The following TRIM28 variants were observed in gnomAD, a reference collection of about 807,000 sequenced individuals.
TRIM28 encodes the protein tripartite motif containing 28.
TRIM28 carries 8 observed loss-of-function variants against 87.4 expected under a neutral mutation model. The ratio of observed to expected loss-of-function variants is 0.09; its 90% CI spans 0.05 to 0.17. The LOEUF (loss-of-function observed/expected upper bound fraction) is 0.17. Ranked by LOEUF, TRIM28 falls within the 10% of genes least tolerant of loss-of-function variation. The pLI is 1.00. For synonymous variants in TRIM28, 601 were observed against 454.3 expected (o/e 1.32, Z -4.11); for missense variants, 968 against 1,131.8 (o/e 0.86, Z 2.08).
At chr19:58,548,933 G>A in intron 11 of TRIM28, 23 bp downstream of exon 11, 1 of 1,614,066 alleles carries the variant, frequency 6.2e-7, no homozygotes, top group Non-Finnish European at 8.5e-7. Context: ...CCTCCCCTGG[G>A]GGTGAGGTGG....
intron 9 of TRIM28, 46 bp from the exon 10 acceptor site, chr19:58,548,694 T>C: frequency 5.6e-6 from 9 of 1,611,552 alleles, no homozygotes; most frequent in Non-Finnish European, 6.8e-6. Flanking sequence ...TGGGGTCCAG[T>C]AGGGTTCCTG....
At chr19:58,550,347 A>G (rs777393223) in intron 16 of TRIM28, 30 bp from the exon 17 acceptor site, 31 of 1,612,756 alleles carry the variant, frequency 1.9e-5, no homozygotes, top group Non-Finnish European at 2.5e-5. Context: ...ACTAGGACCC[A>G]TTCATCCACT....
chr19:58,548,465 G>A (rs781534407), intron 8 of TRIM28, 21 bp from the exon 9 acceptor site: 7 of 1,614,014 alleles, frequency 4.3e-6, no homozygotes, highest in Middle Eastern at 1.6e-4. Context: ...ACCTACTTAC[G>A]TTTCTCTCTT....
At chr19:58,547,955 G>A in intron 6 of TRIM28, 49 bp downstream of exon 6, 1 of 1,613,612 alleles carries the variant, frequency 6.2e-7, no homozygotes, top group South Asian at 1.1e-5. Context: ...TCTGCTGATT[G>A]ATGATGCTGT....
Position 58,550,672 on chromosome 19 carries a change from A to G in TRIM28, c.*119A>G. On this transcript the variant is annotated 3_prime_UTR_variant, in exon 17 of 17. Transcript: ENST00000253024. ...TGGCCCCATCCCCCAGTTCCTCACGATATGGTTTTTACTTCTGTGGATTTA... is the reference window on the plus strand; with the variant it reads ...TGGCCCCATCCCCCAGTTCCTCACGGTATGGTTTTTACTTCTGTGGATTTA... The G allele has an allele frequency of 9.6e-7, 1 of 1,040,096 alleles. No individual in the cohort carries two copies. The highest frequency in any genetic ancestry group is 1.4e-6 in the Non-Finnish European group (1 of 734,474). The allele number at this position is 1,040,096 out of a possible 1,614,324, so 64.4% of individuals were successfully genotyped here.
intron 3 of TRIM28, among the ~76,000 whole-genome samples, chr19:58,546,274 C>T (rs1010421386): frequency 1.3e-5 from 2 of 152,108 alleles, no homozygotes; most frequent in Admixed American, 6.5e-5. Flanking sequence ...GTATAAGATG[C>T]TGCTAGGGAA....
In TRIM28 at chr19:58,548,426, C is replaced by T; in HGVS notation, c.1216+18C>T. 1.9e-6 allele frequency: 3 copies of T among 1,614,054 alleles called. No homozygotes were observed. Among genetic ancestry groups the T allele is most frequent in the South Asian group, 1.1e-5 (1 of 91,082 alleles). On this transcript the variant is annotated intron_variant, in intron 8 of 16. Transcript: ENST00000253024. Reference sequence around the variant, plus strand: ...GGCCTTTGGTGGGTCCCCAGCTTTACCTCACTCTGTTATTACCCCACGTGC... The same window carrying T: ...GGCCTTTGGTGGGTCCCCAGCTTTATCTCACTCTGTTATTACCCCACGTGC...
chr19:58,546,406 A>G (rs2053761662), intron 3 of TRIM28, among the ~76,000 whole-genome samples: 1 of 152,206 alleles, frequency 6.6e-6, no homozygotes, highest in South Asian at 2.1e-4. Flanking sequence ...AGACACAGCT[A>G]GCTTTGGTTT....
rs1328902157 is a variant in TRIM28 at position 58,549,312 on chromosome 19, C to T, written c.1663-19C>T. 9 of 1,571,646 alleles carry T rather than the reference C, an allele frequency of 5.7e-6. No individual in the cohort carries two copies. The highest frequency in any genetic ancestry group is 1.2e-5 in the South Asian group (1 of 84,978). On this transcript the variant is annotated intron_variant, in intron 12 of 16. Transcript: ENST00000253024. The surrounding 1 kb of genome is among the most constrained non-coding windows in gnomAD (Gnocchi z 4.4). ...CCAGGTCTGGACCCTGTTGAACACC[C>T]CTCATCACCACCTTGCAGGAGGAGG...
In TRIM28 at chr19:58,549,884, G is replaced by A. The variant is rs936791985; in HGVS notation, c.2106+24G>A. On this transcript the variant is annotated intron_variant, in intron 14 of 16. Coordinates refer to ENST00000253024, the MANE Select transcript of TRIM28 (RefSeq NM_005762.3). The surrounding 1 kb of genome is among the most constrained non-coding windows in gnomAD (Gnocchi z 4.4). ...GGGTGAGGGCTGGGGTTACTTAGGT[G>A]GGGTTGCCCAGAGAGGCTTTATAGG... 4.3e-6 allele frequency: 7 copies of A among 1,613,446 alleles called. No homozygotes were observed. The highest frequency in any genetic ancestry group is 5.1e-6 in the Non-Finnish European group (6 of 1,179,408).
rs369126190 is a variant in TRIM28, at chr19:58,549,615, G to C, written c.1947G>C (p.Leu649=). The C allele has an allele frequency of 6.2e-7, 1 of 1,613,684 alleles. No individual in the cohort carries two copies. The stretch of plus-strand genomic sequence containing the variant: ...ACCAGTGTGAGTTTTGTTTCCACCT[G>C]GACTGTCACCTGCCGGCCCTGCAGG... ...MCNQCEFCFH[L]DCHLPALQDV... is the part of the protein sequence containing the mutation. Residue 649 remains leucine (L), a synonymous_variant, in exon 13 of 17, where the codon CTG becomes CTC. Transcript: ENST00000253024. This position sits in a 1 kb window ranked among gnomAD's most constrained non-coding sequence, Gnocchi z 4.4.
rs142762100 is a variant in TRIM28 at position 58,549,189 on chromosome 19, G to A, written c.1611G>A (p.Ala537=). Residue 537 remains alanine, a synonymous_variant, in exon 12 of 17, where the codon GCG becomes GCA. Coordinates refer to ENST00000253024, the MANE Select transcript of TRIM28 (RefSeq NM_005762.3). This position sits in a 1 kb window ranked among gnomAD's most constrained non-coding sequence, Gnocchi z 4.4. ...CAGCTACCGGCCAGCCAGGGACTGC[G>A]CCTGCAGGAACCCCTGGTGCCCCAC... ...AAAATGQPGT[A]PAGTPGAPPL... 1,156 of 1,613,908 alleles carry A rather than the reference G, an allele frequency of 7.2e-4. 4 individuals carry two copies. The Middle Eastern group carries it at 0.013, about 18-fold the overall frequency.
Position 58,544,682 on chromosome 19 carries a change from G to T in TRIM28, c.-76G>T, listed in dbSNP as rs1224711927. On this transcript the variant is annotated 5_prime_UTR_variant, in exon 1 of 17. Transcript: ENST00000253024. ...GGCGGCGGCAGCGGCCCAGCAGTTG[G>T]CGGCGAGCGCGTCTGCGCCTGCGCG... 2 of 635,906 alleles carry T rather than the reference G, an allele frequency of 3.1e-6. No homozygotes were observed. The highest frequency in any genetic ancestry group is 1.4e-4 in the East Asian group (1 of 7,340). 39.4% of individuals were successfully genotyped at this position (635,906 alleles called of 1,614,324 possible).
chr19:58,548,824 T>C, intron 10 of TRIM28, 38 bp from the exon 11 acceptor site: 3 of 1,614,100 alleles, frequency 1.9e-6, no homozygotes, highest in South Asian at 1.1e-5. Context: ...GTGCTGTTTC[T>C]ACCCCAACCT....
rs764721470 is a variant in TRIM28 at position 58,548,516 on chromosome 19, A to G, written c.1247A>G (p.Asn416Ser). 2 of 1,613,822 alleles carry G rather than the reference A, an allele frequency of 1.2e-6. No individual in the cohort carries two copies. The highest frequency in any genetic ancestry group is 2.2e-5 in the South Asian group (2 of 91,076). Reference sequence around the variant, plus strand: ...ATTGTGGCAGAGCGTCCTGGCACTAACTCAACAGGCCCTGCACCCATGGCC... The same window carrying G: ...ATTGTGGCAGAGCGTCCTGGCACTAGCTCAACAGGCCCTGCACCCATGGCC... ...GKIVAERPGT[N>S]STGPAPMAPP... The change falls in exon 9 of 17, where the codon AAC (asparagine) becomes AGC (serine). Residue 416 changes from asparagine (N) to serine (S), a missense_variant. Physicochemically the swap from Asn to Ser is conservative, Grantham distance 46. Coordinates refer to ENST00000253024, the MANE Select transcript of TRIM28 (RefSeq NM_005762.3).
chr19:58,547,283 A>G, intron 3 of TRIM28, 93 bp from the exon 4 acceptor site: 1 of 1,533,768 alleles, frequency 6.5e-7, no homozygotes. Flanking sequence ...CCAGTGTCAC[A>G]GAACAGGCCG....
chr19:58,544,172 T>C lies in TRIM28; in HGVS notation c.-586T>C, dbSNP rs73580853. The C allele has an allele frequency of 0.085, 12,893 of 152,370 alleles. 1,781 individuals are homozygous for C. Among genetic ancestry groups the C allele is most frequent in the African/African-American group, 0.29 (11,972 of 41,536 alleles). 9.4% of individuals were successfully genotyped at this position (152,370 alleles called of 1,614,324 possible). A position where few individuals can be genotyped will look rare whatever the true frequency, so the allele number is the denominator to read the frequency against. Reference sequence around the variant, plus strand: ...CGCACAGCGGCCCGCTTCTGTGTGGTCTGGAGGTGGAGCTGAGAGGGGAAT... The same window carrying C: ...CGCACAGCGGCCCGCTTCTGTGTGGCCTGGAGGTGGAGCTGAGAGGGGAAT... On this transcript the variant is annotated 5_prime_UTR_variant, in exon 1 of 17. Coordinates refer to ENST00000253024, the MANE Select transcript of TRIM28 (RefSeq NM_005762.3).
chr19:58,545,613 C>T (rs2053754634), intron 2 of TRIM28, 76 bp downstream of exon 2: 37 of 1,490,050 alleles, frequency 2.5e-5, no homozygotes, highest in Middle Eastern at 1.8e-4. Context: ...GGCACCAGCT[C>T]CAGGCTGTTA....
chr19:58,549,305 G>C lies in TRIM28; in HGVS notation c.1663-26G>C, dbSNP rs896564206. The C allele has an allele frequency of 5.1e-6, 8 of 1,576,388 alleles. No homozygotes were observed. The African/African-American group carries it at 1.1e-4, about 21-fold the overall frequency. ...CTGTAGTCCAGGTCTGGACCCTGTTGAACACCCCTCATCACCACCTTGCAG... is the reference window on the plus strand; with the variant it reads ...CTGTAGTCCAGGTCTGGACCCTGTTCAACACCCCTCATCACCACCTTGCAG... On this transcript the variant is annotated intron_variant, in intron 12 of 16. Transcript: ENST00000253024. The surrounding 1 kb of genome is among the most constrained non-coding windows in gnomAD (Gnocchi z 4.4).
Sources: gnomAD v4.1 joint callset for allele counts (sites outside exome capture counted in the v4.1 genomes callset) on GRCh38, gnomAD v4.1.1 for gene constraint, Gnocchi (gnomAD v3.1) non-coding constraint, MANE v1.5 for transcripts, NCBI Gene and HGNC (gene_info 2026-07-23, HGNC 2026-07-21) for gene names.